The following PRKDC variants were observed in gnomAD, a reference collection of about 807,000 sequenced individuals.
The protein encoded by PRKDC is protein kinase, DNA-activated, catalytic subunit.
PRKDC carries 82 observed loss-of-function variants against 486.9 expected under a neutral mutation model. The ratio of observed to expected loss-of-function variants is 0.17; its 90% CI spans 0.14 to 0.20. PRKDC has a LOEUF of 0.20. Ranked by LOEUF, PRKDC falls within the 10% of genes least tolerant of loss-of-function variation. PRKDC has a pLI of 1.00. For missense variants in PRKDC, 4,504 were observed against 5,038.2 expected, an observed-to-expected ratio of 0.89 and a Z score of 3.21; for synonymous variants, 1,895 against 1,837.0, an observed-to-expected ratio of 1.03 and a Z score of -0.81.
At chr8:47,914,124 T>A (rs2089951596) in intron 23 of PRKDC, 60 bp from the exon 24 acceptor site, 6 of 1,310,452 alleles carry the variant, frequency 4.6e-6, no homozygotes, top group Non-Finnish European at 5.9e-6. Context: ...GTGTCAGAAT[T>A]ATTCACAAAT....
chr8:47,852,959 T>C (rs960484586), intron 51 of PRKDC, among the ~76,000 whole-genome samples, 175 bp from the exon 52 acceptor site: 1 of 152,198 alleles, frequency 6.6e-6, no homozygotes, highest in Admixed American at 6.5e-5. Flanking sequence ...TACGTAAGGG[T>C]GCCCGATGTC....
chr8:47,894,350 T>A (rs2089531519), intron 30 of PRKDC, among the ~76,000 whole-genome samples: 1 of 152,152 alleles, frequency 6.6e-6, no homozygotes. Flanking sequence ...TTACTTTCAC[T>A]AAGAGACAAA....
chr8:47,923,212 C>A (rs536147127), intron 21 of PRKDC, among the ~76,000 whole-genome samples: 1 of 151,906 alleles, frequency 6.6e-6, no homozygotes, highest in Non-Finnish European at 1.5e-5. Flanking sequence ...TACAGGTGTG[C>A]GCCATCATGC....
In PRKDC at chr8:47,785,239, C is replaced by T. The variant is rs1266708051; in HGVS notation, c.10981G>A (p.Asp3661Asn). Residue 3661 changes from aspartate (D) to asparagine (N), a missense_variant, in exon 77 of 86, where the codon GAC becomes AAC. By Grantham distance (23) the Asp-to-Asn change is conservative. Around this residue, in one of 6 missense-constraint regions of PRKDC, gnomAD observed 706 missense variants for 945.0 expected, o/e 0.75. Transcript: ENST00000314191. ...TTTAAAAGTAGCATGTTGGTAATGT[C>T]GTTGAAGTCACTGAGCTTCATTCTC... ...LLRMKLSDFNDITNMLLLKMN... is the reference protein window; with the variant it reads ...LLRMKLSDFNNITNMLLLKMN... 4 of 1,613,588 alleles carry T rather than the reference C, an allele frequency of 2.5e-6. No homozygotes were observed. Among genetic ancestry groups the T allele is most frequent in the East Asian group, 4.5e-5 (2 of 44,890 alleles).
intron 40 of PRKDC, among the ~76,000 whole-genome samples, chr8:47,869,594 C>T (rs531983723): frequency 2.0e-4 from 31 of 152,026 alleles, no homozygotes; most frequent in South Asian, 1.7e-3. Flanking sequence ...AGCACATTCC[C>T]AGTTGTGGTG....
At chr8:47,798,042 G>T (rs2087017336) in intron 73 of PRKDC, among the ~76,000 whole-genome samples, 195 bp downstream of exon 73, 1 of 152,212 alleles carries the variant, frequency 6.6e-6, no homozygotes, top group South Asian at 2.1e-4. Context: ...AACACCCACA[G>T]AGGAAAATGG....
intron 4 of PRKDC, among the ~76,000 whole-genome samples, chr8:47,955,619 A>G (rs1023106567): frequency 5.3e-5 from 8 of 152,192 alleles, no homozygotes; most frequent in Non-Finnish European, 1.2e-4. Context: ...AAAGAGCAAT[A>G]AATTCCTTAG....
chr8:47,944,094 A>C (rs1300385565), intron 7 of PRKDC, 65 bp from the exon 8 acceptor site: 1 of 1,255,430 alleles, frequency 8.0e-7, no homozygotes, highest in Non-Finnish European at 1.1e-6. Flanking sequence ...CACTTTACAG[A>C]CAGCTTGACA....
At chr8:47,899,318 G>A (rs2089638401) in intron 28 of PRKDC, among the ~76,000 whole-genome samples, 1 of 152,182 alleles carries the variant, frequency 6.6e-6, no homozygotes, top group Non-Finnish European at 1.5e-5. Flanking sequence ...CTATCAACAT[G>A]AAGGATAACA....
intron 11 of PRKDC, among the ~76,000 whole-genome samples, chr8:47,938,234 C>T (rs886720643): frequency 4.8e-4 from 73 of 151,776 alleles, no homozygotes; most frequent in Admixed American, 1.2e-3. Flanking sequence ...TGGAGAAACC[C>T]TGTCTCTACT....
intron 4 of PRKDC, 34 bp downstream of exon 4, chr8:47,955,833 CATGTTTA>C: frequency 6.9e-7 from 1 of 1,447,592 alleles, no homozygotes; most frequent in South Asian, 1.3e-5. Context: ...TTAAAAGTTA[CATGTTTA>C]ATGTAAAATA....
At chr8:47,899,717 G>A (rs551853329) in intron 28 of PRKDC, among the ~76,000 whole-genome samples, 18 of 152,256 alleles carry the variant, frequency 1.2e-4, no homozygotes, top group African/African-American at 1.9e-4. Flanking sequence ...CTGTGTGGCC[G>A]TCTCAGTCAA....
chr8:47,862,459 A>G lies in PRKDC; in HGVS notation c.5833T>C (p.Tyr1945His). 1 of 1,613,950 alleles carries G rather than the reference A, an allele frequency of 6.2e-7. No individual in the cohort carries two copies. ...ERRRLYHCAA[Y>H]NCAISVICCV... ...CAGATGACAGATATGGCGCAGTTGT[A>G]TGCTGCACAATGGTAAAGTCTTCTC... is the stretch of plus-strand genomic sequence containing the variant. Residue 1945 changes from tyrosine (Y) to histidine (H), a missense_variant, in exon 43 of 86, where the codon TAC becomes CAC. Coordinates refer to ENST00000314191, the MANE Select transcript of PRKDC (RefSeq NM_006904.7).
intron 30 of PRKDC, among the ~76,000 whole-genome samples, chr8:47,895,526 G>C (rs796597363): frequency 3.3e-5 from 5 of 152,284 alleles, no homozygotes; most frequent in African/African-American, 1.2e-4. Context: ...TGTGCTACCA[G>C]AGTCACAGAC....
At position 47,778,522 on chromosome 8, in the gene PRKDC, C is replaced by T. The variant is rs1288962529; in HGVS notation, c.11790G>A (p.Val3930=). The T allele has an allele frequency of 6.2e-7, 1 of 1,613,682 alleles. No individual in the cohort carries two copies. The highest frequency in any genetic ancestry group is 8.5e-7 in the Non-Finnish European group (1 of 1,179,848). Residue 3930 remains valine, a synonymous_variant, in exon 83 of 86, where the codon GTG becomes GTA. Transcript: ENST00000314191. ...CGATCACGCCGCCAGTCTCCATGGC[C>T]ACCATAAAGTTGTTCAGATGTCTGT... The part of the protein sequence containing the change: ...IGDRHLNNFM[V]AMETGGVIGI...
At chr8:47,834,686 C>CTTCTTTTTT (rs1319694640) in intron 58 of PRKDC, among the ~76,000 whole-genome samples, 5 of 96,778 alleles carry the variant, frequency 5.2e-5, no homozygotes, top group African/African-American at 3.4e-4. Flanking sequence ...GAACCCCTGA[C>CTTCTTTTTT]TTTTTTTTTT....
At chr8:47,957,042 G>A (rs571111327) in intron 3 of PRKDC, 129 bp downstream of exon 3, 5 of 449,906 alleles carry the variant, frequency 1.1e-5, no homozygotes, top group South Asian at 8.1e-5. Context: ...CAATGAAGCA[G>A]AAATAAGCAA....
At chr8:47,889,365 C>T (rs775033934) in intron 32 of PRKDC, 143 bp from the exon 33 acceptor site, 28 of 664,592 alleles carry the variant, frequency 4.2e-5, no homozygotes, top group Non-Finnish European at 6.8e-5. Flanking sequence ...GCACAGTAAA[C>T]ACTTGAGGTT....
At chr8:47,847,081 A>C (rs1380604600) in intron 54 of PRKDC, among the ~76,000 whole-genome samples, 1 of 152,252 alleles carries the variant, frequency 6.6e-6, no homozygotes, top group Non-Finnish European at 1.5e-5. Flanking sequence ...AGCAATCTAC[A>C]GATTCAATGC....
Sources: allele counts gnomAD v4.1 joint callset (sites outside exome capture counted in the v4.1 genomes callset), GRCh38; gene constraint gnomAD v4.1.1; regional missense constraint gnomAD v4.1.1; transcripts MANE v1.5; gene names NCBI Gene and HGNC (gene_info 2026-07-23, HGNC 2026-07-21).